SDK1: variants seen among roughly 807,000 people sequenced by gnomAD.
The protein encoded by SDK1 is protein sidekick-1.
Under a neutral mutation model 245.5 loss-of-function variants are expected in SDK1, and 157 were observed. That is an observed-to-expected ratio of 0.64 (90% CI 0.56 to 0.73). The LOEUF is 0.73. SDK1 is among the 30% of genes least tolerant of loss of function. The pLI, the probability that SDK1 is intolerant of heterozygous loss-of-function variation, is 0.00. For synonymous variants in SDK1, 1,647 were observed against 1,278.5 expected, an observed-to-expected ratio of 1.29 and a Z score of -6.15; for missense variants, 3,583 against 3,002.3, an observed-to-expected ratio of 1.19 and a Z score of -4.52.
At chr7:4,038,408 T>A (rs1443645) in intron 17 of SDK1, among the ~76,000 whole-genome samples, 2,116 of 152,226 alleles carry the variant, frequency 0.014, 53 homozygotes, top group African/African-American at 0.049. Flanking sequence ...TTAAATAGTG[T>A]TCAAAGCATT....
At chr7:4,090,860 C>T (rs1376019442) in intron 22 of SDK1, among the ~76,000 whole-genome samples, 4 of 151,548 alleles carry the variant, frequency 2.6e-5, no homozygotes, top group African/African-American at 7.3e-5. Flanking sequence ...CTATCACCTC[C>T]AAATACAATG....
At chr7:3,452,472 T>A (rs1743813628) in intron 1 of SDK1, among the ~76,000 whole-genome samples, 1 of 152,218 alleles carries the variant, frequency 6.6e-6, no homozygotes, top group Non-Finnish European at 1.5e-5. Context: ...GGTAACCTTA[T>A]AATTAGTATG....
At chr7:3,567,827 T>C (rs1455866137) in intron 1 of SDK1, among the ~76,000 whole-genome samples, 1 of 152,226 alleles carries the variant, frequency 6.6e-6, no homozygotes, top group Non-Finnish European at 1.5e-5. Context: ...TTATTTTTCT[T>C]CTAAGGCAGG....
At chr7:3,920,220 G>A (rs973442627) in intron 5 of SDK1, among the ~76,000 whole-genome samples, 1 of 152,236 alleles carries the variant, frequency 6.6e-6, no homozygotes, top group East Asian at 1.9e-4. Flanking sequence ...GCTTCATGCT[G>A]TGGGTCGGGG....
At chr7:3,583,933 G>T (rs956131044) in intron 1 of SDK1, among the ~76,000 whole-genome samples, 1 of 152,120 alleles carries the variant, frequency 6.6e-6, no homozygotes, top group African/African-American at 2.4e-5. Flanking sequence ...TGAAGGTCCC[G>T]TATCAGCAGA....
At chr7:3,644,694 G>C (rs1782765506) in intron 4 of SDK1, among the ~76,000 whole-genome samples, 1 of 147,882 alleles carries the variant, frequency 6.8e-6, no homozygotes, top group Non-Finnish European at 1.5e-5. Flanking sequence ...GATAGCTTGA[G>C]GCCAGAAGTT....
At chr7:4,218,132 G>T (rs773809495) in intron 38 of SDK1, among the ~76,000 whole-genome samples, 1 of 152,130 alleles carries the variant, frequency 6.6e-6, no homozygotes, top group African/African-American at 2.4e-5. Flanking sequence ...CCCCAGGCAC[G>T]GTGGCTCATG....
intron 4 of SDK1, among the ~76,000 whole-genome samples, chr7:3,650,363 C>T (rs1207264891): frequency 6.6e-6 from 1 of 152,226 alleles, no homozygotes; most frequent in African/African-American, 2.4e-5. Context: ...CCCACTCCCT[C>T]CTTCCCCTAG....
rs535941527 is a variant in SDK1, at chr7:3,588,214, C to G, written c.299-30866C>G. ...ATAAGGTTTCTTCAAGCAAAACATA[C>G]CTGTTACTTAGGTCAAGAGGGATTT... is the stretch of plus-strand genomic sequence containing the variant. On this transcript the variant is annotated intron_variant, in intron 1 of 44. Transcript: ENST00000404826. Among the ~76,000 whole-genome samples, 5 of 152,122 alleles carry G rather than the reference C, an allele frequency of 3.3e-5. No individual in the cohort carries two copies. In the South Asian group the frequency reaches 1.0e-3, roughly 32 times the overall value.
chr7:4,131,438 A>C (rs1270720665), intron 27 of SDK1, among the ~76,000 whole-genome samples: 1 of 152,192 alleles, frequency 6.6e-6, no homozygotes, highest in Non-Finnish European at 1.5e-5. Flanking sequence ...ATTTCACCCC[A>C]AAATAGGCGT....
At chr7:3,389,386 T>C (rs957762798) in intron 1 of SDK1, among the ~76,000 whole-genome samples, 1 of 151,966 alleles carries the variant, frequency 6.6e-6, no homozygotes, top group Non-Finnish European at 1.5e-5. Context: ...CTACGAGACA[T>C]AAACAGAGCA....
At chr7:3,829,974 A>G (rs1169672966) in intron 5 of SDK1, among the ~76,000 whole-genome samples, 2 of 152,206 alleles carry the variant, frequency 1.3e-5, no homozygotes, top group Non-Finnish European at 2.9e-5. Flanking sequence ...CATCAGAACA[A>G]TAAGTCACAA....
chr7:3,616,444 G>T (rs973374931), intron 1 of SDK1, among the ~76,000 whole-genome samples: 5 of 152,112 alleles, frequency 3.3e-5, no homozygotes, highest in African/African-American at 1.2e-4. Flanking sequence ...AAGTCTTGCT[G>T]TTCACTCTTT....
At position 4,266,540 on chromosome 7, in the gene SDK1, CT is replaced by C. The variant is rs1463982591; in HGVS notation, c.*1160del. 1.1e-5 allele frequency: 11 copies of C among 984,290 alleles called. No individual in the cohort carries two copies. The African/African-American group carries it at 1.9e-4, about 17-fold the overall frequency. The allele number at this position is 984,290 out of a possible 1,614,324, so 61.0% of individuals were successfully genotyped here. ...GCCCCCTCTCCCAGTCCGAGGCCAGCTTTTAGCCTTAACAGGTTTTTTGGAA... is the reference window on the plus strand; with the variant it reads ...GCCCCCTCTCCCAGTCCGAGGCCAGCTTTAGCCTTAACAGGTTTTTTGGAA... On this transcript the variant is annotated 3_prime_UTR_variant, in exon 45 of 45. Transcript: ENST00000404826.
chr7:3,533,259 T>TGC (rs1783409960), intron 1 of SDK1, among the ~76,000 whole-genome samples: 1 of 152,164 alleles, frequency 6.6e-6, no homozygotes, highest in South Asian at 2.1e-4. Flanking sequence ...CATGTGGTGA[T>TGC]GCTAAGTAAA....
At chr7:3,461,736 A>G (rs1225654267) in intron 1 of SDK1, among the ~76,000 whole-genome samples, 1 of 152,178 alleles carries the variant, frequency 6.6e-6, no homozygotes, top group Admixed American at 6.5e-5. Context: ...CATTAGATGG[A>G]AAAAACCTCA....
intron 4 of SDK1, among the ~76,000 whole-genome samples, chr7:3,731,971 T>C (rs1424028247): frequency 1.3e-5 from 2 of 152,250 alleles, no homozygotes; most frequent in South Asian, 2.1e-4. Flanking sequence ...TTTGTATTTT[T>C]AGTAGAGATG....
At chr7:3,568,605 A>G (rs376211575) in intron 1 of SDK1, among the ~76,000 whole-genome samples, 1 of 152,278 alleles carries the variant, frequency 6.6e-6, no homozygotes, top group African/African-American at 2.4e-5. Flanking sequence ...TGATCACTAC[A>G]TTCTAGAGGA....
At chr7:3,472,442 A>C (rs6958565) in intron 1 of SDK1, among the ~76,000 whole-genome samples, 20,848 of 152,170 alleles carry the variant, frequency 0.14, 1,466 homozygotes, top group South Asian at 0.22. Flanking sequence ...TTAGAGGGAC[A>C]AGGCTAACTA....
Sources: allele counts gnomAD v4.1 joint callset (sites outside exome capture counted in the v4.1 genomes callset), GRCh38; gene constraint gnomAD v4.1.1; transcripts MANE v1.5; gene names NCBI Gene and HGNC (gene_info 2026-07-23, HGNC 2026-07-21).